RMDN2: variants seen among roughly 807,000 people sequenced by gnomAD.
The protein encoded by RMDN2 is regulator of microtubule dynamics protein 2.
RMDN2 carries 61 observed loss-of-function variants against 52.8 expected under a neutral mutation model. The ratio of observed to expected loss-of-function variants is 1.16; its 90% CI spans 0.94 to 1.43. The LOEUF (loss-of-function observed/expected upper bound fraction) is 1.43. RMDN2 is among the 40% of genes most tolerant of loss of function. The pLI is 0.00. For missense variants in RMDN2, 592 were observed against 475.3 expected (o/e 1.25, Z -2.28); for synonymous variants, 180 against 153.1 (o/e 1.18, Z -1.30).
At chr2:37,982,134 G>A (rs553096648) in intron 5 of RMDN2, among the ~76,000 whole-genome samples, 30 of 152,192 alleles carry the variant, frequency 2.0e-4, no homozygotes, top group Admixed American at 1.6e-3. Flanking sequence ...TCCCTATGAT[G>A]TAGGGGCACT....
intron 2 of RMDN2, among the ~76,000 whole-genome samples, chr2:37,943,761 C>G (rs1446826673): frequency 6.6e-6 from 1 of 152,152 alleles, no homozygotes; most frequent in Non-Finnish European, 1.5e-5. Flanking sequence ...CTCCCCTATC[C>G]TTCTAAATTA....
At chr2:38,054,904 G>A (rs879791659) in intron 10 of RMDN2, among the ~76,000 whole-genome samples, 9 of 152,074 alleles carry the variant, frequency 5.9e-5, no homozygotes, top group East Asian at 3.9e-4. Flanking sequence ...TCAAAAGGAC[G>A]GGGGGACAAA....
At chr2:37,997,876 C>A (rs17412043) in intron 8 of RMDN2, 30,696 of 192,484 alleles carry the variant, frequency 0.16, 2,599 homozygotes, top group African/African-American at 0.17. Context: ...TAGTCCCAGT[C>A]CTCCTGATTA....
intron 10 of RMDN2, among the ~76,000 whole-genome samples, chr2:38,060,897 C>G (rs1052017210): frequency 1.3e-5 from 2 of 152,138 alleles, no homozygotes; most frequent in South Asian, 4.1e-4. Context: ...AGCAACCCCA[C>G]TGGGATGAGG....
chr2:38,016,761 T>C (rs959735206), intron 10 of RMDN2, among the ~76,000 whole-genome samples: 45 of 151,872 alleles, frequency 3.0e-4, no homozygotes, highest in African/African-American at 1.1e-3. Flanking sequence ...GCTCAAGCCT[T>C]GATATGGAAA....
rs73926971 is a variant in RMDN2, at chr2:38,017,550, T to G, written c.*311T>G. 8.8e-3 allele frequency: 10,128 copies of G among 1,150,708 alleles called. 533 individuals carry two copies. The African/African-American group carries it at 0.12, about 14-fold the overall frequency. 71.3% of individuals were successfully genotyped at this position (1,150,708 alleles called of 1,614,324 possible). A position where few individuals can be genotyped will look rare whatever the true frequency, so the allele number is the denominator to read the frequency against. On this transcript the variant is annotated 3_prime_UTR_variant, in exon 11 of 11. Transcript: ENST00000354545. ...TATTTAAATCCAATAAAATGAATTC[T>G]CATGAATATTTTATTGTTTCAATGG...
At chr2:38,060,784 A>G (rs969135986) in intron 10 of RMDN2, among the ~76,000 whole-genome samples, 1 of 151,774 alleles carries the variant, frequency 6.6e-6, no homozygotes, top group African/African-American at 2.4e-5. Flanking sequence ...GTGGGGTTAA[A>G]CAATAAAGTT....
At chr2:37,925,843 GT>G (rs1424408499) in intron 1 of RMDN2, among the ~76,000 whole-genome samples, 1 of 152,032 alleles carries the variant, frequency 6.6e-6, no homozygotes, top group Non-Finnish European at 1.5e-5. Flanking sequence ...TTTGTGTGGG[GT>G]TTTTTTTGCT....
rs80147830 is a variant in RMDN2, at chr2:37,969,423, T to C, written c.453-4617T>C. Among the ~76,000 whole-genome samples, 140 of 151,874 alleles carry C rather than the reference T, an allele frequency of 9.2e-4. 2 individuals are homozygous for C. The East Asian group carries it at 0.023, about 25-fold the overall frequency. On this transcript the variant is annotated intron_variant, in intron 2 of 10. Transcript: ENST00000354545. ...GTAATTTTCCCCAGAAAACTCATTTTAAAACTTTTGTGAAATTTTTTCATA... is the reference window on the plus strand; with the variant it reads ...GTAATTTTCCCCAGAAAACTCATTTCAAAACTTTTGTGAAATTTTTTCATA...
intron 2 of RMDN2, among the ~76,000 whole-genome samples, chr2:37,967,880 A>G (rs976098270): frequency 3.3e-5 from 5 of 152,248 alleles, no homozygotes; most frequent in African/African-American, 4.8e-5. Context: ...ATATGGTTCA[A>G]TTCCCAGGAC....
intron 2 of RMDN2, chr2:37,951,790 C>T: frequency 6.2e-7 from 1 of 1,613,450 alleles, no homozygotes; most frequent in Non-Finnish European, 8.5e-7. Context: ...AATTTTGAAA[C>T]AAACACTACT....
At chr2:37,950,557 C>G in intron 2 of RMDN2, 1 of 1,613,070 alleles carries the variant, frequency 6.2e-7, no homozygotes, top group Non-Finnish European at 8.5e-7. Context: ...AAGGGAGAGA[C>G]TTACTTTGGA....
intron 10 of RMDN2, among the ~76,000 whole-genome samples, chr2:38,050,318 G>C (rs1681511937): frequency 6.7e-6 from 1 of 150,124 alleles, no homozygotes. Flanking sequence ...AATCTCACCA[G>C]TGTACACACA....
chr2:38,011,888 C>T lies in RMDN2; in HGVS notation c.1180-5298C>T, dbSNP rs114921213. ...CCCCCGGACCACAGATTGTACCAGC[C>T]TCCCAGTCATTCTCCTCACAGCTTC... On this transcript the variant is annotated intron_variant, in intron 10 of 10. Coordinates refer to ENST00000354545, the MANE Select transcript of RMDN2 (RefSeq NM_001170791.3). 9.8e-3 allele frequency among the ~76,000 whole-genome samples: 1,489 copies of T among 152,258 alleles called. 24 individuals are homozygous for T. The highest frequency in any genetic ancestry group is 0.034 in the African/African-American group (1,408 of 41,548).
At chr2:38,052,008 A>C (rs2125300818) in intron 10 of RMDN2, among the ~76,000 whole-genome samples, 1 of 152,326 alleles carries the variant, frequency 6.6e-6, no homozygotes, top group East Asian at 1.9e-4. Context: ...TGATATGCTG[A>C]GTTCCTATCA....
At chr2:37,994,129 A>G (rs1413621208) in intron 7 of RMDN2, among the ~76,000 whole-genome samples, 1 of 152,236 alleles carries the variant, frequency 6.6e-6, no homozygotes. Flanking sequence ...TAGACTATAC[A>G]AGGAAACAAG....
chr2:38,033,675 C>T (rs181432949), intron 10 of RMDN2, among the ~76,000 whole-genome samples: 11 of 152,298 alleles, frequency 7.2e-5, no homozygotes, highest in Admixed American at 7.2e-4. Flanking sequence ...TCAATAAATA[C>T]TTTTAAAGTT....
At chr2:37,962,961 C>T (rs1412714290) in intron 2 of RMDN2, 2 of 152,702 alleles carry the variant, frequency 1.3e-5, no homozygotes, top group Non-Finnish European at 2.9e-5. Flanking sequence ...GAGTGAGTTC[C>T]CCAACCCCTT....
intron 1 of RMDN2, 33 bp from the exon 2 acceptor site, chr2:37,929,229 A>C: frequency 8.0e-7 from 1 of 1,256,206 alleles, no homozygotes; most frequent in Non-Finnish European, 1.1e-6. Flanking sequence ...AGACATAAAC[A>C]ACATTCATTT....
Sources: gnomAD v4.1 joint callset for allele counts (sites outside exome capture counted in the v4.1 genomes callset) on GRCh38, gnomAD v4.1.1 for gene constraint, MANE v1.5 for transcripts, NCBI Gene and HGNC (gene_info 2026-07-23, HGNC 2026-07-21) for gene names.